Variants in SLC2A9 observed in about 807,000 individuals in gnomAD.
SLC2A9 encodes the protein solute carrier family 2 member 9, also known as solute carrier family 2, facilitated glucose transporter member 9.
A neutral mutation model predicts 50.6 loss-of-function variants in SLC2A9; 39 were observed. The observed-to-expected ratio is 0.77, with a 90% CI of 0.60 to 1.01. The LOEUF (loss-of-function observed/expected upper bound fraction) is 1.01. SLC2A9 is among the 50% of genes least tolerant of loss of function. The pLI is 0.00. For missense variants in SLC2A9, 686 were observed against 677.6 expected, an observed-to-expected ratio of 1.01 and a Z score of -0.14; for synonymous variants, 324 against 276.9, an observed-to-expected ratio of 1.17 and a Z score of -1.69.
intron 3 of SLC2A9, among the ~76,000 whole-genome samples, chr4:9,995,313 G>A (rs1368212926): frequency 6.6e-6 from 1 of 152,140 alleles, no homozygotes; most frequent in Non-Finnish European, 1.5e-5. Flanking sequence ...AAGTGGGCTT[G>A]GGGACAAGGA....
chr4:9,980,791 C>T, intron 4 of SLC2A9, 54 bp from the exon 5 acceptor site: 1 of 1,612,378 alleles, frequency 6.2e-7, no homozygotes, highest in Non-Finnish European at 8.5e-7. Context: ...GGGGGAGCTG[C>T]ACTCTGGTTA....
chr4:9,862,229 G>C (rs760218397), intron 10 of SLC2A9, among the ~76,000 whole-genome samples: 19 of 152,026 alleles, frequency 1.2e-4, no homozygotes, highest in Non-Finnish European at 2.6e-4. Context: ...ATGCTTATAG[G>C]TCTGGAGCTT....
intron 10 of SLC2A9, among the ~76,000 whole-genome samples, chr4:9,884,434 T>C (rs1735796612): frequency 9.7e-6 from 1 of 102,958 alleles, no homozygotes; most frequent in African/African-American, 4.0e-5. Flanking sequence ...CTACTACACC[T>C]GGCTAGAAAT....
chr4:9,891,314 C>T (rs1446368785), intron 8 of SLC2A9, among the ~76,000 whole-genome samples: 3 of 152,172 alleles, frequency 2.0e-5, no homozygotes, highest in Admixed American at 1.3e-4. Context: ...TGCCCCTTGT[C>T]CACTTGGTCA....
rs185586853 is a variant in SLC2A9 at position 10,001,842 on chromosome 4, G to A, written c.250-4901C>T. Among the ~76,000 whole-genome samples, 363 of 152,338 alleles carry A rather than the reference G, an allele frequency of 2.4e-3. 1 individual carries two copies. Among genetic ancestry groups the A allele is most frequent in the Non-Finnish European group, 4.6e-3 (310 of 68,030 alleles). On this transcript the variant is annotated intron_variant, in intron 2 of 11. Coordinates refer to ENST00000264784, the MANE Select transcript of SLC2A9 (RefSeq NM_020041.3). ...CATCAGAAGCCCTCTTCCCGCCTGG[G>A]AGACTTTCCTGCCTCAGAATCCTGA...
intron 8 of SLC2A9, among the ~76,000 whole-genome samples, chr4:9,903,849 T>C (rs1740119609): frequency 6.8e-6 from 1 of 147,410 alleles, no homozygotes; most frequent in Non-Finnish European, 1.5e-5. Context: ...TATATAAATA[T>C]ATAAAATATA....
At chr4:9,861,973 C>A (rs1731731801) in intron 10 of SLC2A9, among the ~76,000 whole-genome samples, 1 of 152,220 alleles carries the variant, frequency 6.6e-6, no homozygotes, top group South Asian at 2.1e-4. Context: ...CTTCTATCCT[C>A]CGGCCCCTAC....
intron 8 of SLC2A9, among the ~76,000 whole-genome samples, chr4:9,907,920 G>T (rs1308044078): frequency 2.0e-5 from 3 of 152,198 alleles, no homozygotes; most frequent in African/African-American, 7.2e-5. Context: ...CTAAAGAGAT[G>T]CCTGTTTGTT....
At chr4:9,779,897 ACAT>A (rs1560273048) in exon 4 of SLC2A9, 2 of 152,212 alleles carry the variant, frequency 1.3e-5, no homozygotes, top group Non-Finnish European at 2.9e-5. Context: ...CTCTTGTCTG[ACAT>A]CATGACTTGG....
chr4:9,894,355 T>G (rs1253256783), intron 8 of SLC2A9, among the ~76,000 whole-genome samples: 1 of 152,226 alleles, frequency 6.6e-6, no homozygotes, highest in Non-Finnish European at 1.5e-5. Context: ...TGTAGTTATA[T>G]AATATCAATT....
At chr4:10,007,494 T>C (rs1234010315) in intron 2 of SLC2A9, among the ~76,000 whole-genome samples, 1 of 152,186 alleles carries the variant, frequency 6.6e-6, no homozygotes, top group East Asian at 1.9e-4. Context: ...ACCTTTGCAG[T>C]GAGGGGGCAG....
chr4:9,820,216 C>A (rs942359836), intron 3 of SLC2A9, among the ~76,000 whole-genome samples: 1 of 152,134 alleles, frequency 6.6e-6, no homozygotes, highest in Non-Finnish European at 1.5e-5. Flanking sequence ...TATTTCAGAA[C>A]CATTGTAGAA....
rs1047944206 is a variant in SLC2A9, at chr4:9,899,332, G to A, written c.1114-8621C>T. On this transcript the variant is annotated intron_variant, in intron 8 of 11. Coordinates refer to ENST00000264784, the MANE Select transcript of SLC2A9 (RefSeq NM_020041.3). ...AGAGAATGGTGTGATTATCACTGAC[G>A]CAGCTCCCTCTGCAGAGAACAGAAG... Among the ~76,000 whole-genome samples the A allele has an allele frequency of 2.6e-5, 4 of 152,210 alleles. No individual in the cohort carries two copies. The Middle Eastern group carries it at 9.6e-3, about 364-fold the overall frequency.
intron 1 of SLC2A9, chr4:10,035,006 C>T (rs3822250): frequency 0.091 from 13,890 of 152,218 alleles, 1,155 homozygotes; most frequent in East Asian, 0.46. Context: ...GGGGAGTCCA[C>T]CATCAGTCTC....
chr4:9,951,941 G>T (rs1186354263), intron 5 of SLC2A9, among the ~76,000 whole-genome samples: 3 of 152,228 alleles, frequency 2.0e-5, no homozygotes, highest in Non-Finnish European at 4.4e-5. Flanking sequence ...TGCCTGGAAG[G>T]CAGAGGCTAA....
chr4:9,997,472 G>T (rs960574293), intron 2 of SLC2A9, among the ~76,000 whole-genome samples: 2 of 152,170 alleles, frequency 1.3e-5, no homozygotes, highest in African/African-American at 2.4e-5. Context: ...GGCTGAGATG[G>T]GTGGGTCACT....
At chr4:9,890,759 C>A in intron 8 of SLC2A9, 48 bp from the exon 9 acceptor site, 1 of 1,528,222 alleles carries the variant, frequency 6.5e-7, no homozygotes, top group Non-Finnish European at 9.0e-7. Flanking sequence ...CCATTTCTAA[C>A]CACAACAGGG....
chr4:9,845,347 G>T (rs1030795650), intron 10 of SLC2A9, among the ~76,000 whole-genome samples: 5 of 143,776 alleles, frequency 3.5e-5, no homozygotes, highest in African/African-American at 1.3e-4. Flanking sequence ...TTGAATAAAA[G>T]AAATAAAGGA....
intron 7 of SLC2A9, among the ~76,000 whole-genome samples, chr4:9,911,899 A>G (rs1741881842): frequency 6.6e-6 from 1 of 152,222 alleles, no homozygotes; most frequent in Non-Finnish European, 1.5e-5. Context: ...CCAAATGTCC[A>G]ACAATGATAG....
Sources: allele counts gnomAD v4.1 joint callset (sites outside exome capture counted in the v4.1 genomes callset), GRCh38; gene constraint gnomAD v4.1.1; transcripts MANE v1.5; gene names NCBI Gene and HGNC (gene_info 2026-07-23, HGNC 2026-07-21).